CTNNA3: variants seen among roughly 807,000 people sequenced by gnomAD.
CTNNA3 encodes catenin alpha-3.
Under a neutral mutation model 95.7 loss-of-function variants are expected in CTNNA3, and 76 were observed. The observed-to-expected ratio is 0.79, with a 90% CI of 0.66 to 0.96. The LOEUF (loss-of-function observed/expected upper bound fraction) is 0.96, where lower values mean the gene tolerates loss of function less well. CTNNA3 is among the 40% of genes least tolerant of loss of function. The pLI is 0.00. For synonymous variants in CTNNA3, 431 were observed against 374.4 expected (o/e 1.15, Z -1.74); for missense variants, 1,191 against 1,089.8 (o/e 1.09, Z -1.31).
rs1221781603 is a variant in CTNNA3, at chr10:66,742,132, C to A, written c.1281+24132G>T. On this transcript the variant is annotated intron_variant, in intron 9 of 17. Transcript: ENST00000433211. Reference sequence around the variant, plus strand: ...TCAAAAGCAAATGGGAGAAATATCGCTGAATTCTTTTTCTCAGCAAGGAAC... The same window carrying A: ...TCAAAAGCAAATGGGAGAAATATCGATGAATTCTTTTTCTCAGCAAGGAAC... Among the ~76,000 whole-genome samples the A allele has an allele frequency of 2.0e-5, 3 of 152,126 alleles. 1 individual carries two copies. Among genetic ancestry groups the A allele is most frequent in the South Asian group, 4.1e-4 (2 of 4,822 alleles).
chr10:67,181,669 ATG>A (rs1287408497), intron 6 of CTNNA3, among the ~76,000 whole-genome samples: 1 of 152,000 alleles, frequency 6.6e-6, no homozygotes, highest in Non-Finnish European at 1.5e-5. Context: ...AAATAAGTAT[ATG>A]TGTGTGTGTT....
intron 7 of CTNNA3, among the ~76,000 whole-genome samples, chr10:66,988,761 G>T (rs1850871371): frequency 1.3e-5 from 2 of 151,994 alleles, no homozygotes; most frequent in Admixed American, 1.3e-4. Context: ...AAGGAGACAG[G>T]TGCAATTTTT....
At chr10:66,642,189 T>C (rs1248391441) in intron 9 of CTNNA3, among the ~76,000 whole-genome samples, 1 of 151,720 alleles carries the variant, frequency 6.6e-6, no homozygotes, top group Non-Finnish European at 1.5e-5. Context: ...CCTGAAATAA[T>C]AGATAATTGA....
chr10:66,152,065 A>G (rs1279598566), intron 13 of CTNNA3, among the ~76,000 whole-genome samples: 1 of 151,990 alleles, frequency 6.6e-6, no homozygotes, highest in Non-Finnish European at 1.5e-5. Context: ...TCTTGTTTAT[A>G]TAACCATGAC....
At chr10:66,135,599 C>A (rs1231955771) in intron 13 of CTNNA3, among the ~76,000 whole-genome samples, 1 of 152,122 alleles carries the variant, frequency 6.6e-6, no homozygotes, top group Non-Finnish European at 1.5e-5. Context: ...AAGCAAGAAT[C>A]ATCAATGGAT....
chr10:67,322,258 G>A (rs1459694975), intron 5 of CTNNA3, among the ~76,000 whole-genome samples: 1 of 152,040 alleles, frequency 6.6e-6, no homozygotes, highest in Non-Finnish European at 1.5e-5. Context: ...CAGGGTACAT[G>A]TGCAGGTTTG....
chr10:66,381,899 A>C (rs1454604503), intron 11 of CTNNA3, among the ~76,000 whole-genome samples: 1 of 152,134 alleles, frequency 6.6e-6, no homozygotes, highest in East Asian at 1.9e-4. Context: ...AGTAATCATC[A>C]ATTTTTAAGA....
chr10:65,936,898 CA>C, intron 17 of CTNNA3, among the ~76,000 whole-genome samples: 1 of 151,924 alleles, frequency 6.6e-6, no homozygotes. Context: ...TAGTGTCTGG[CA>C]CATACATATA....
intron 9 of CTNNA3, among the ~76,000 whole-genome samples, chr10:66,690,999 C>G (rs558476147): frequency 1.3e-5 from 2 of 152,298 alleles, no homozygotes; most frequent in South Asian, 2.1e-4. Flanking sequence ...CGAATAGGAA[C>G]AGCTCCGGTC....
chr10:66,215,036 T>G (rs559058323), intron 13 of CTNNA3, among the ~76,000 whole-genome samples: 2 of 151,416 alleles, frequency 1.3e-5, no homozygotes, highest in African/African-American at 4.8e-5. Context: ...TTTCTGTTAT[T>G]GTGAAATATA....
At chr10:67,316,902 T>C (rs1841078121) in intron 5 of CTNNA3, among the ~76,000 whole-genome samples, 1 of 152,222 alleles carries the variant, frequency 6.6e-6, no homozygotes, top group Non-Finnish European at 1.5e-5. Context: ...TTCTAAAGGG[T>C]TTCTTTTACT....
chr10:67,427,598 TTA>T (rs1845968641), intron 5 of CTNNA3, among the ~76,000 whole-genome samples: 1 of 152,070 alleles, frequency 6.6e-6, no homozygotes, highest in Non-Finnish European at 1.5e-5. Context: ...CTCATACGTA[TTA>T]TGTGTATATG....
chr10:67,302,631 T>G (rs1840373949), intron 5 of CTNNA3, among the ~76,000 whole-genome samples: 1 of 152,202 alleles, frequency 6.6e-6, no homozygotes, highest in Non-Finnish European at 1.5e-5. Flanking sequence ...TCCAATAATC[T>G]ATCTTCCATG....
At chr10:67,499,180 C>T (rs1401122928) in intron 5 of CTNNA3, among the ~76,000 whole-genome samples, 1 of 152,158 alleles carries the variant, frequency 6.6e-6, no homozygotes, top group Non-Finnish European at 1.5e-5. Flanking sequence ...TTTTCTGCAT[C>T]TATTGAGATA....
At chr10:67,227,245 C>G (rs1263198704) in intron 5 of CTNNA3, among the ~76,000 whole-genome samples, 1 of 152,070 alleles carries the variant, frequency 6.6e-6, no homozygotes, top group African/African-American at 2.4e-5. Context: ...GCCTGCACCA[C>G]CATGCCCGGC....
At chr10:66,024,748 G>T (rs2079302636) in intron 15 of CTNNA3, among the ~76,000 whole-genome samples, 2 of 152,166 alleles carry the variant, frequency 1.3e-5, no homozygotes, top group South Asian at 4.1e-4. Flanking sequence ...GTCAAATGAT[G>T]AAACTAATCT....
intron 12 of CTNNA3, among the ~76,000 whole-genome samples, chr10:66,289,074 T>C (rs2091636737): frequency 6.6e-6 from 1 of 152,004 alleles, no homozygotes; most frequent in Non-Finnish European, 1.5e-5. Flanking sequence ...GCTGATGAAA[T>C]TGTACTAATT....
Position 66,927,181 on chromosome 10 carries a change from T to C in CTNNA3, c.1048-151657A>G. On this transcript the variant is annotated intron_variant, in intron 7 of 17. Coordinates refer to ENST00000433211, the MANE Select transcript of CTNNA3 (RefSeq NM_013266.4). This position sits in a 1 kb window ranked among gnomAD's most constrained non-coding sequence, Gnocchi z 4.7. ...ATTTAAAGGGCTCAACCAGCTCACCTGGCTATACCTTGACCATAACCATAT... is the reference window on the plus strand; with the variant it reads ...ATTTAAAGGGCTCAACCAGCTCACCCGGCTATACCTTGACCATAACCATAT... The C allele has an allele frequency of 6.2e-7, 1 of 1,614,234 alleles. No individual in the cohort carries two copies. The highest frequency in any genetic ancestry group is 8.5e-7 in the Non-Finnish European group (1 of 1,180,046).
rs16922924 is a variant in CTNNA3 at position 66,388,126 on chromosome 10, G to T, written c.1532-8774C>A. ...AGAAAGAAGAAGCTACTATTTTCAA[G>T]TATATTGGCAAGGTTTCTTTTTTTA... On this transcript the variant is annotated intron_variant, in intron 11 of 17. Coordinates refer to ENST00000433211, the MANE Select transcript of CTNNA3 (RefSeq NM_013266.4). Among the ~76,000 whole-genome samples the T allele has an allele frequency of 8.3e-4, 126 of 152,048 alleles. 3 individuals are homozygous for T. The East Asian group carries it at 0.023, about 28-fold the overall frequency.
Sources: allele counts gnomAD v4.1 joint callset (sites outside exome capture counted in the v4.1 genomes callset), GRCh38; gene constraint gnomAD v4.1.1; non-coding constraint Gnocchi (gnomAD v3.1); transcripts MANE v1.5; gene names NCBI Gene and HGNC (gene_info 2026-07-23, HGNC 2026-07-21).